CEP162: variants seen among roughly 807,000 people sequenced by gnomAD.
CEP162 encodes centrosomal protein 162, also known as centrosomal protein of 162 kDa.
Under a neutral mutation model 169.2 loss-of-function variants are expected in CEP162, and 141 were observed. The observed-to-expected ratio is 0.83, with a 90% confidence interval of 0.73 to 0.96. The LOEUF is 0.96. Among genes scored for constraint, CEP162 ranks in the 40% least tolerant of loss-of-function variants. The pLI is 0.00. For missense variants in CEP162, 1,600 were observed against 1,587.2 expected (o/e 1.01, Z -0.14); for synonymous variants, 540 against 526.4 (o/e 1.03, Z -0.35).
At position 84,149,558 on chromosome 6, in the gene CEP162, C is replaced by T. The variant is rs371342692; in HGVS notation, c.3771+4G>A. 104 of 1,577,738 alleles carry T rather than the reference C, an allele frequency of 6.6e-5. No homozygotes were observed. The highest frequency in any genetic ancestry group is 8.3e-5 in the Non-Finnish European group (97 of 1,163,584). ...TCAAAAGATAAAACAGATTTGTCAT[C>T]TACCTCTTGAGTTGCTATTTTACGA... On this transcript the variant is annotated splice_donor_region_variant and intron_variant, in intron 24 of 26. Transcript: ENST00000403245.
In CEP162 at chr6:84,138,432, C is replaced by T. The variant is rs550448943; in HGVS notation, c.3870+8255G>A. On this transcript the variant is annotated intron_variant, in intron 25 of 26. Coordinates refer to ENST00000403245, the MANE Select transcript of CEP162 (RefSeq NM_014895.4). ...TGGGAATAGTTCATATTTCCACCACCCTGAGAGGAAATGCCTCATAATACA... is the reference window on the plus strand; with the variant it reads ...TGGGAATAGTTCATATTTCCACCACTCTGAGAGGAAATGCCTCATAATACA... Among the ~76,000 whole-genome samples the T allele has an allele frequency of 1.2e-3, 185 of 152,220 alleles. 6 individuals are homozygous for T. In the South Asian group the frequency reaches 0.029, roughly 24 times the overall value.
At chr6:84,168,243 T>G (rs989121113) in intron 18 of CEP162, among the ~76,000 whole-genome samples, 4 of 152,134 alleles carry the variant, frequency 2.6e-5, no homozygotes, top group African/African-American at 9.7e-5. Flanking sequence ...AGCTTGCTAT[T>G]TTTGAGGCCC....
chr6:84,197,368 T>A (rs2099542572), intron 9 of CEP162, among the ~76,000 whole-genome samples: 1 of 152,186 alleles, frequency 6.6e-6, no homozygotes, highest in South Asian at 2.1e-4. Flanking sequence ...TGTAACTTTT[T>A]TCCATGCATA....
rs544066972 is a variant in CEP162 at position 84,182,592 on chromosome 6, T to C, written c.1663+2595A>G. On this transcript the variant is annotated intron_variant, in intron 13 of 26. Transcript: ENST00000403245. Reference sequence around the variant, plus strand: ...TTACGGCCACAAGATCAAAGGTCATTAAGATGGATGCAAAAACTTTCCTGG... The same window carrying C: ...TTACGGCCACAAGATCAAAGGTCATCAAGATGGATGCAAAAACTTTCCTGG... Among the ~76,000 whole-genome samples, 4 of 152,202 alleles carry C rather than the reference T, an allele frequency of 2.6e-5. No homozygotes were observed. The South Asian group carries it at 8.3e-4, about 32-fold the overall frequency.
In CEP162 at chr6:84,174,765, A is replaced by G. The variant is rs771857072; in HGVS notation, c.1987T>C (p.Phe663Leu). Reference protein sequence around the residue: ...ELKKQQEKELFKLNQDNYILQ... With the variant: ...ELKKQQEKELLKLNQDNYILQ... Reference sequence around the variant, plus strand: ...ATATAATTATCTTGATTCAATTTGAAGAGTTCTTTTTCCTGTTGTTTCTTT... The same window carrying G: ...ATATAATTATCTTGATTCAATTTGAGGAGTTCTTTTTCCTGTTGTTTCTTT... Residue 663 changes from phenylalanine to leucine, a missense_variant, in exon 15 of 27, where the codon TTC becomes CTC. Transcript: ENST00000403245. 6.9e-7 allele frequency: 1 copy of G among 1,458,858 alleles called. No individual in the cohort carries two copies. The highest frequency in any genetic ancestry group is 9.4e-7 in the Non-Finnish European group (1 of 1,065,502). The allele number at this position is 1,458,858 out of a possible 1,614,324, so 90.4% of individuals were successfully genotyped here. A position where few individuals can be genotyped will look rare whatever the true frequency, so the allele number is the denominator to read the frequency against.
chr6:84,125,697 G>A (rs62449274), intron 26 of CEP162, among the ~76,000 whole-genome samples: 6,453 of 152,148 alleles, frequency 0.042, 197 homozygotes, highest in Admixed American at 0.086. Flanking sequence ...GAAAGATCAT[G>A]TTAGAATGAG....
chr6:84,218,470 A>G (rs532641892), intron 3 of CEP162, among the ~76,000 whole-genome samples: 1 of 152,246 alleles, frequency 6.6e-6, no homozygotes, highest in Non-Finnish European at 1.5e-5. Flanking sequence ...TTTTAATAGT[A>G]TATGTTTGTT....
At chr6:84,192,375 T>C (rs533846978) in intron 11 of CEP162, among the ~76,000 whole-genome samples, 2 of 152,332 alleles carry the variant, frequency 1.3e-5, no homozygotes, top group African/African-American at 4.8e-5. Context: ...ACAACAAAGA[T>C]ATAAGATGTG....
In CEP162 at chr6:84,175,318, G is replaced by A; in HGVS notation, c.1693C>T (p.Pro565Ser). The change falls in exon 14 of 27, where the codon CCT becomes TCT. Residue 565 changes from proline to serine, a missense_variant. Transcript: ENST00000403245. Reference protein sequence around the residue: ...EILSGTKLIKPAALDKPAHKT... With the variant: ...EILSGTKLIKSAALDKPAHKT... ...TGAGCTGGTTTATCCAAAGCTGCAGGCTTGATGAGTTTTGTTCCAGATAAG... is the reference window on the plus strand; with the variant it reads ...TGAGCTGGTTTATCCAAAGCTGCAGACTTGATGAGTTTTGTTCCAGATAAG... The A allele has an allele frequency of 1.3e-6, 2 of 1,544,642 alleles. No individual in the cohort carries two copies. The highest frequency in any genetic ancestry group is 2.4e-5 in the East Asian group (1 of 40,906).
intron 10 of CEP162, among the ~76,000 whole-genome samples, chr6:84,194,019 A>G (rs1331318966): frequency 6.6e-6 from 1 of 152,240 alleles, no homozygotes; most frequent in Non-Finnish European, 1.5e-5. Context: ...AGAGTAAAAA[A>G]TATCCCTTTA....
intron 11 of CEP162, among the ~76,000 whole-genome samples, chr6:84,191,881 T>C (rs1473734060): frequency 6.6e-6 from 1 of 152,218 alleles, no homozygotes; most frequent in Non-Finnish European, 1.5e-5. Context: ...TCCTTGGACC[T>C]AGTTAGCTAG....
Position 84,153,299 on chromosome 6 carries a change from T to C in CEP162, c.2995-120A>G, listed in dbSNP as rs1308020369. 7.0e-6 allele frequency: 6 copies of C among 862,156 alleles called. No individual in the cohort carries two copies. In the African/African-American group the frequency reaches 1.0e-4, roughly 15 times the overall value. 53.4% of individuals were successfully genotyped at this position (862,156 alleles called of 1,614,324 possible). A position where few individuals can be genotyped will look rare whatever the true frequency, so the allele number is the denominator to read the frequency against. On this transcript the variant is annotated intron_variant, in intron 22 of 26. Coordinates refer to ENST00000403245, the MANE Select transcript of CEP162 (RefSeq NM_014895.4). ...TTCAGGTACTCATTATACATTCTGA[T>C]GTCTACAATTCTGTTTCTTGAGTGA...
chr6:84,162,724 G>T (rs969803080), intron 19 of CEP162, among the ~76,000 whole-genome samples: 3 of 152,040 alleles, frequency 2.0e-5, no homozygotes, highest in Admixed American at 6.6e-5. Context: ...TACTCCCCTT[G>T]GTTTTCGTAG....
chr6:84,143,485 C>CAA (rs1026711588), intron 25 of CEP162, among the ~76,000 whole-genome samples: 2 of 151,474 alleles, frequency 1.3e-5, no homozygotes, highest in African/African-American at 4.8e-5. Flanking sequence ...TTTTGGTAAG[C>CAA]AAAGTTATGA....
In CEP162 at chr6:84,210,392, A is replaced by T. The variant is rs2099548976; in HGVS notation, c.571+2565T>A. 2.6e-5 allele frequency among the ~76,000 whole-genome samples: 4 copies of T among 152,152 alleles called. 1 individual carries two copies. The South Asian group carries it at 8.3e-4, about 32-fold the overall frequency. ...TAAAGGGATTGTACTTTCTTTGTAA[A>T]CAACACAATATATAAAACAACTATT... On this transcript the variant is annotated intron_variant, in intron 6 of 26. Coordinates refer to ENST00000403245, the MANE Select transcript of CEP162 (RefSeq NM_014895.4).
chr6:84,191,629 G>C (rs956182865), intron 11 of CEP162, among the ~76,000 whole-genome samples: 5 of 152,138 alleles, frequency 3.3e-5, no homozygotes, highest in Non-Finnish European at 5.9e-5. Context: ...ACAACGAGAA[G>C]CATACTCAAA....
Position 84,169,350 on chromosome 6 carries a change from A to C in CEP162, c.2363T>G (p.Leu788Ter). The C allele has an allele frequency of 6.3e-7, 1 of 1,577,204 alleles. No individual in the cohort carries two copies. The highest frequency in any genetic ancestry group is 8.6e-7 in the Non-Finnish European group (1 of 1,160,248). The change falls in exon 18 of 27, where the codon TTA (leucine) becomes TGA (stop). Residue 788 changes from leucine (L) to a stop codon, truncating the protein, a stop_gained. Transcript: ENST00000403245. LOFTEE classifies it high-confidence loss of function. ...TACCTGTGCCATCCGTAGTTCTGCT[A>C]ACAGATCTGTAAAATTCTGATTTCT... ...PTRNQNFTDL[L>*]AELRMAQKEK...
intron 11 of CEP162, among the ~76,000 whole-genome samples, chr6:84,186,995 C>T (rs1411553907): frequency 1.3e-5 from 2 of 151,858 alleles, no homozygotes; most frequent in African/African-American, 2.4e-5. Flanking sequence ...CTTATAAAGT[C>T]GACATGCATT....
At chr6:84,175,077 A>C in intron 14 of CEP162, 123 bp from the exon 15 acceptor site, 1 of 894,734 alleles carries the variant, frequency 1.1e-6, no homozygotes, top group Non-Finnish European at 1.6e-6. Flanking sequence ...AAGAAAATTA[A>C]CTGTTTAGTA....
Sources: allele counts gnomAD v4.1 joint callset (sites outside exome capture counted in the v4.1 genomes callset), GRCh38; gene constraint gnomAD v4.1.1; transcripts MANE v1.5; gene names NCBI Gene and HGNC (gene_info 2026-07-23, HGNC 2026-07-21).